ZNF385D: variants seen among roughly 807,000 people sequenced by gnomAD.
ZNF385D encodes the protein zinc finger protein 385D, also known as zinc finger protein 659.
ZNF385D carries 15 observed loss-of-function variants against 35.8 expected under a neutral mutation model. The ratio of observed to expected loss-of-function variants is 0.42; its 90% CI spans 0.28 to 0.64. ZNF385D has a LOEUF of 0.64. ZNF385D is among the 30% of genes least tolerant of loss of function. The pLI is 0.23. For missense variants in ZNF385D, 474 were observed against 494.6 expected, an observed-to-expected ratio of 0.96 and a Z score of 0.39; for synonymous variants, 212 against 186.8, an observed-to-expected ratio of 1.13 and a Z score of -1.10.
intron 3 of ZNF385D, among the ~76,000 whole-genome samples, chr3:21,951,779 A>G (rs1311547949): frequency 6.6e-6 from 1 of 151,482 alleles, no homozygotes; most frequent in Non-Finnish European, 1.5e-5. Context: ...TATACAATGC[A>G]TTTTCTAAAT....
intron 3 of ZNF385D, among the ~76,000 whole-genome samples, chr3:22,067,551 C>G (rs1700017707): frequency 6.6e-6 from 1 of 152,130 alleles, no homozygotes; most frequent in African/African-American, 2.4e-5. Context: ...ATCCCATTTC[C>G]TCTCTTTCTA....
chr3:21,483,703 G>T (rs1336724379), intron 4 of ZNF385D, among the ~76,000 whole-genome samples: 1 of 152,022 alleles, frequency 6.6e-6, no homozygotes, highest in African/African-American at 2.4e-5. Flanking sequence ...GCTTTTCATT[G>T]TACCATCTGT....
At chr3:22,264,287 TA>T (rs1406918825) in intron 2 of ZNF385D, among the ~76,000 whole-genome samples, 2 of 152,026 alleles carry the variant, frequency 1.3e-5, no homozygotes, top group African/African-American at 2.4e-5. Flanking sequence ...TTCCTTGAAT[TA>T]AAGGTCAGCA....
intron 3 of ZNF385D, among the ~76,000 whole-genome samples, chr3:22,147,190 T>A (rs1271293293): frequency 6.6e-6 from 1 of 152,216 alleles, no homozygotes; most frequent in African/African-American, 2.4e-5. Flanking sequence ...AAAGAACTTT[T>A]AAAATAAATA....
At chr3:21,468,401 C>CAAAAA (rs1175784477) in intron 4 of ZNF385D, among the ~76,000 whole-genome samples, 10 of 72,620 alleles carry the variant, frequency 1.4e-4, no homozygotes, top group African/African-American at 4.7e-4. Context: ...GACACTGTCT[C>CAAAAA]AAAAAAAAAA....
At chr3:21,890,449 T>A (rs1434930595) in intron 3 of ZNF385D, among the ~76,000 whole-genome samples, 4 of 152,018 alleles carry the variant, frequency 2.6e-5, no homozygotes, top group Non-Finnish European at 5.9e-5. Context: ...TGAAACCCCA[T>A]CTCTACTAAA....
chr3:22,287,872 T>C (rs1375369145), intron 2 of ZNF385D, among the ~76,000 whole-genome samples: 1 of 152,074 alleles, frequency 6.6e-6, no homozygotes, highest in Non-Finnish European at 1.5e-5. Context: ...ACATGTTTTC[T>C]TTTACTAATT....
chr3:22,157,088 T>G (rs1705636588), intron 3 of ZNF385D, among the ~76,000 whole-genome samples: 1 of 152,150 alleles, frequency 6.6e-6, no homozygotes, highest in Admixed American at 6.6e-5. Flanking sequence ...CCTCCAGGCC[T>G]GACAGCTATT....
rs187768608 is a variant in ZNF385D, at chr3:22,327,119, A to G, written c.106+45331T>C. 2.2e-3 allele frequency among the ~76,000 whole-genome samples: 340 copies of G among 152,292 alleles called. 7 individuals carry two copies. The South Asian group carries it at 0.032, about 14-fold the overall frequency. ...GAAATATTGACTAAAGTGAATTCTGAAGATTGTCGGAAAGTTTTGTTCTTT... is the reference window on the plus strand; with the variant it reads ...GAAATATTGACTAAAGTGAATTCTGGAGATTGTCGGAAAGTTTTGTTCTTT... On this transcript the variant is annotated intron_variant, in intron 2 of 5. Transcript: ENST00000494108.
At chr3:21,451,606 C>A (rs13325718) in intron 4 of ZNF385D, among the ~76,000 whole-genome samples, 1 of 151,988 alleles carries the variant, frequency 6.6e-6, no homozygotes, top group Admixed American at 6.6e-5. Context: ...TACAACAATG[C>A]ATTATCTCAA....
chr3:21,921,976 C>A (rs879692313), intron 3 of ZNF385D, among the ~76,000 whole-genome samples: 1 of 152,102 alleles, frequency 6.6e-6, no homozygotes, highest in African/African-American at 2.4e-5. Flanking sequence ...GGAGGAAGCA[C>A]TTCTTCCTAA....
chr3:21,498,607 C>G (rs1226769065), intron 4 of ZNF385D, among the ~76,000 whole-genome samples: 1 of 151,996 alleles, frequency 6.6e-6, no homozygotes, highest in Non-Finnish European at 1.5e-5. Context: ...AAAAAATGCT[C>G]AACATCACTA....
intron 3 of ZNF385D, among the ~76,000 whole-genome samples, chr3:21,889,723 T>C (rs545047584): frequency 6.6e-5 from 10 of 152,232 alleles, no homozygotes; most frequent in African/African-American, 2.4e-4. Flanking sequence ...TGTATGAGTT[T>C]ACAAGGGCTG....
chr3:22,077,931 TG>T (rs1383932300), intron 3 of ZNF385D, among the ~76,000 whole-genome samples: 1 of 152,030 alleles, frequency 6.6e-6, no homozygotes, highest in Non-Finnish European at 1.5e-5. Flanking sequence ...GAAACCTGAC[TG>T]TGGAGTATCT....
intron 1 of ZNF385D, among the ~76,000 whole-genome samples, chr3:21,711,304 G>A (rs1329223831): frequency 6.6e-6 from 1 of 151,972 alleles, no homozygotes; most frequent in Non-Finnish European, 1.5e-5. Context: ...GCCTCCCAAA[G>A]TGCTGGGATT....
rs559125158 is a variant in ZNF385D at position 21,658,693 on chromosome 3, A to C, written c.165+6193T>G. On this transcript the variant is annotated intron_variant, in intron 2 of 7. Coordinates refer to ENST00000281523, the MANE Select transcript of ZNF385D (RefSeq NM_024697.3). ...ATGGTTACCTTAATAAAAAATATGC[A>C]TATGGTATTTATCTCAGATTCCAAA... 2.6e-4 allele frequency among the ~76,000 whole-genome samples: 39 copies of C among 152,180 alleles called. No individual in the cohort carries two copies. The South Asian group carries it at 7.9e-3, about 31-fold the overall frequency.
chr3:21,995,658 C>T (rs1050391012), intron 3 of ZNF385D, among the ~76,000 whole-genome samples: 4 of 151,650 alleles, frequency 2.6e-5, no homozygotes, highest in Non-Finnish European at 5.9e-5. Flanking sequence ...ATCCCCATAC[C>T]CCCAAATGGC....
chr3:22,006,462 G>C (rs1276658216), intron 3 of ZNF385D, among the ~76,000 whole-genome samples: 2 of 151,948 alleles, frequency 1.3e-5, no homozygotes, highest in Non-Finnish European at 2.9e-5. Flanking sequence ...ATTTTGAAGT[G>C]ATCTTTTATG....
intron 1 of ZNF385D, among the ~76,000 whole-genome samples, chr3:21,685,495 C>G (rs758215894): frequency 1.3e-5 from 2 of 152,048 alleles, no homozygotes; most frequent in African/African-American, 2.4e-5. Flanking sequence ...CAGGTTTTTC[C>G]CTGTGAGTTT....
Sources: gnomAD v4.1 joint callset for allele counts (sites outside exome capture counted in the v4.1 genomes callset) on GRCh38, gnomAD v4.1.1 for gene constraint, MANE v1.5 for transcripts, NCBI Gene and HGNC (gene_info 2026-07-23, HGNC 2026-07-21) for gene names.